The following FAM135B variants were observed in gnomAD, a reference collection of about 807,000 sequenced individuals.
The protein encoded by FAM135B is protein FAM135B.
A neutral mutation model predicts 127.7 loss-of-function variants in FAM135B; 43 were observed. The ratio of observed to expected loss-of-function variants is 0.34; its 90% confidence interval spans 0.26 to 0.43. The LOEUF (loss-of-function observed/expected upper bound fraction) is 0.43. FAM135B is among the 20% of genes least tolerant of loss of function. The probability of loss-of-function intolerance (pLI) is 1.00; values close to 1 mark genes in which losing one functional copy is unlikely to be tolerated. For synonymous variants in FAM135B, 670 were observed against 665.1 expected (o/e 1.01, Z -0.11); for missense variants, 1,558 against 1,725.6 (o/e 0.90, Z 1.72).
chr8:138,448,787 A>AG lies in FAM135B; in HGVS notation c.-20+47883dup, dbSNP rs1491153132. ...TCTGTTCCTCTGGAAAACCTAACACAGGGGGAAAAAAAAAAAAAGCTAGGA... is the reference window on the plus strand; with the variant it reads ...TCTGTTCCTCTGGAAAACCTAACACAGGGGGGAAAAAAAAAAAAAGCTAGGA... On this transcript the variant is annotated intron_variant, in intron 1 of 19. Transcript: ENST00000395297. Among the ~76,000 whole-genome samples the AG allele has an allele frequency of 9.8e-4, 146 of 148,504 alleles. 1 individual carries two copies. The highest frequency in any genetic ancestry group is 3.2e-3 in the African/African-American group (122 of 38,676).
At chr8:138,238,704 A>G (rs942796601) in intron 7 of FAM135B, among the ~76,000 whole-genome samples, 21 of 152,176 alleles carry the variant, frequency 1.4e-4, no homozygotes, top group African/African-American at 4.8e-4. Context: ...GCGGATTCCA[A>G]TGTTATTTGT....
intron 12 of FAM135B, among the ~76,000 whole-genome samples, chr8:138,163,531 T>G (rs540687221): frequency 4.6e-5 from 7 of 152,294 alleles, no homozygotes; most frequent in African/African-American, 1.7e-4. Context: ...TTCCCCCATC[T>G]GTTCTCGTGC....
At chr8:138,370,798 C>T (rs929569225) in intron 1 of FAM135B, among the ~76,000 whole-genome samples, 1 of 152,156 alleles carries the variant, frequency 6.6e-6, no homozygotes, top group Admixed American at 6.6e-5. Context: ...TGGTAACATC[C>T]TTGGTCCACT....
chr8:138,236,528 G>A (rs1388109666), intron 7 of FAM135B, among the ~76,000 whole-genome samples: 2 of 152,108 alleles, frequency 1.3e-5, no homozygotes, highest in African/African-American at 2.4e-5. Context: ...GTTAATGATG[G>A]GGATGAGGAG....
intron 3 of FAM135B, among the ~76,000 whole-genome samples, chr8:138,282,673 A>G (rs1394012591): frequency 6.6e-6 from 1 of 152,202 alleles, no homozygotes; most frequent in Non-Finnish European, 1.5e-5. Flanking sequence ...AAACTCTGAT[A>G]ATACCAAATG....
chr8:138,326,902 A>T (rs1201624309), intron 2 of FAM135B, among the ~76,000 whole-genome samples: 1 of 152,116 alleles, frequency 6.6e-6, no homozygotes, highest in Non-Finnish European at 1.5e-5. Flanking sequence ...CTGTAATTTA[A>T]TTATTATTAT....
intron 1 of FAM135B, among the ~76,000 whole-genome samples, chr8:138,460,617 T>C (rs1837066440): frequency 6.6e-6 from 1 of 152,178 alleles, no homozygotes; most frequent in African/African-American, 2.4e-5. Flanking sequence ...CAGTTATTCA[T>C]TCTCCAGCAT....
At chr8:138,255,975 C>G (rs754020230) in intron 5 of FAM135B, among the ~76,000 whole-genome samples, 6 of 152,106 alleles carry the variant, frequency 3.9e-5, no homozygotes, top group African/African-American at 7.2e-5. Context: ...GAGTTTTCTA[C>G]CCTAGGGAAG....
At chr8:138,202,125 CAAAA>C (rs60386806) in intron 7 of FAM135B, among the ~76,000 whole-genome samples, 1 of 84,146 alleles carries the variant, frequency 1.2e-5, no homozygotes, top group Non-Finnish European at 2.2e-5. Flanking sequence ...AACTCTGTCT[CAAAA>C]AAAAAAAAAA....
chr8:138,226,680 G>A (rs1819479346), intron 7 of FAM135B, among the ~76,000 whole-genome samples: 1 of 152,156 alleles, frequency 6.6e-6, no homozygotes, highest in Non-Finnish European at 1.5e-5. Flanking sequence ...TCCTGCCTCA[G>A]CCTCTCAAGT....
chr8:138,306,581 A>G (rs1411526734), intron 3 of FAM135B, among the ~76,000 whole-genome samples: 1 of 99,608 alleles, frequency 1.0e-5, no homozygotes, highest in Non-Finnish European at 1.9e-5. Flanking sequence ...ACAGTGTATC[A>G]TTCTTTTTTT....
intron 1 of FAM135B, among the ~76,000 whole-genome samples, chr8:138,377,702 T>A (rs966928063): frequency 3.9e-5 from 6 of 152,220 alleles, no homozygotes; most frequent in Admixed American, 3.9e-4. Flanking sequence ...AGAGCACACA[T>A]GACCTAGCAA....
At chr8:138,193,980 A>G (rs1384552948) in intron 9 of FAM135B, among the ~76,000 whole-genome samples, 1 of 152,184 alleles carries the variant, frequency 6.6e-6, no homozygotes, top group African/African-American at 2.4e-5. Context: ...TGAGAGCTGT[A>G]GCCATCTAGA....
At chr8:138,161,290 T>C (rs1270381836) in intron 12 of FAM135B, among the ~76,000 whole-genome samples, 1 of 152,148 alleles carries the variant, frequency 6.6e-6, no homozygotes, top group African/African-American at 2.4e-5. Flanking sequence ...CTATTTTTAT[T>C]TAGGTAAGCC....
rs1586891767 is a variant in FAM135B at position 138,253,064 on chromosome 8, G to A, written c.369-2050C>T. Among the ~76,000 whole-genome samples, 3 of 152,170 alleles carry A rather than the reference G, an allele frequency of 2.0e-5. No individual in the cohort carries two copies. In the South Asian group the frequency reaches 6.2e-4, roughly 32 times the overall value. On this transcript the variant is annotated intron_variant, in intron 5 of 19. Transcript: ENST00000395297. Reference sequence around the variant, plus strand: ...GATCCTCCTGCCTTGGCCTCCCAAAGGGCTGGGATTACAGGTGCGAGCCAC... The same window carrying A: ...GATCCTCCTGCCTTGGCCTCCCAAAAGGCTGGGATTACAGGTGCGAGCCAC...
chr8:138,378,162 G>A (rs1023863983), intron 1 of FAM135B, among the ~76,000 whole-genome samples: 4 of 152,170 alleles, frequency 2.6e-5, no homozygotes, highest in East Asian at 3.9e-4. Context: ...CTGAGCCATC[G>A]ACCTGGGCCA....
intron 3 of FAM135B, among the ~76,000 whole-genome samples, chr8:138,306,749 A>AT (rs1388203455): frequency 1.2e-4 from 18 of 151,920 alleles, no homozygotes; most frequent in African/African-American, 3.1e-4. Context: ...CGCCTGGCTA[A>AT]TTTTTTCTAT....
chr8:138,372,541 T>C (rs1280079706), intron 1 of FAM135B, among the ~76,000 whole-genome samples: 1 of 152,202 alleles, frequency 6.6e-6, no homozygotes, highest in Non-Finnish European at 1.5e-5. Context: ...CTGGGTGACC[T>C]TGGAGTCATT....
chr8:138,191,248 C>T (rs1816097105), intron 9 of FAM135B, among the ~76,000 whole-genome samples: 1 of 152,220 alleles, frequency 6.6e-6, no homozygotes, highest in Non-Finnish European at 1.5e-5. Context: ...GCTGGACAGC[C>T]AGCTGGCTGA....
Sources: gnomAD v4.1 joint callset for allele counts (sites outside exome capture counted in the v4.1 genomes callset) on GRCh38, gnomAD v4.1.1 for gene constraint, MANE v1.5 for transcripts, NCBI Gene and HGNC (gene_info 2026-07-23, HGNC 2026-07-21) for gene names.